The following ZBP1 variants were observed in gnomAD, a reference collection of about 807,000 sequenced individuals.
ZBP1 encodes Z-DNA-binding protein 1.
In ZBP1, 42 loss-of-function variants were observed where a neutral mutation model predicts 41.1. The ratio of observed to expected loss-of-function variants is 1.02; its 90% CI spans 0.80 to 1.32. ZBP1 has a LOEUF of 1.32. Ranked by LOEUF, ZBP1 falls within the 40% of genes most tolerant of loss-of-function variation. The pLI, the probability that ZBP1 is intolerant of heterozygous loss-of-function variation, is 0.00. For missense variants in ZBP1, 562 were observed against 549.7 expected (o/e 1.02, Z -0.22); for synonymous variants, 214 against 205.2 (o/e 1.04, Z -0.37).
At chr20:57,619,851 T>TTTTTTTG (rs2070954065) in intron 1 of ZBP1, among the ~76,000 whole-genome samples, 2 of 151,838 alleles carry the variant, frequency 1.3e-5, no homozygotes, top group South Asian at 4.2e-4. Flanking sequence ...TTTTTTTTTT[T>TTTTTTTG]TCTGAGATGG....
chr20:57,615,487 A>T (rs1600741106), intron 3 of ZBP1, 25 bp downstream of exon 3: 1 of 1,611,408 alleles, frequency 6.2e-7, no homozygotes. Flanking sequence ...TGTCCCGGGA[A>T]CTGAAGGGAC....
rs1600736255 is a variant in ZBP1, at chr20:57,613,363, C to T, written c.503-33G>A. 1 of 1,601,114 alleles carries T rather than the reference C, an allele frequency of 6.2e-7. No homozygotes were observed. Among genetic ancestry groups the T allele is most frequent in the Admixed American group, 1.7e-5 (1 of 59,912 alleles). On this transcript the variant is annotated intron_variant, in intron 4 of 7. Transcript: ENST00000371173. This position sits in a 1 kb window ranked among gnomAD's most constrained non-coding sequence, Gnocchi z 4.5. The stretch of plus-strand genomic sequence containing the variant: ...ATAATATTCAACTGTATCCCTTTGC[C>T]ACTGTCTATGGGTCAGGGGTTCCCA...
intron 1 of ZBP1, among the ~76,000 whole-genome samples, chr20:57,618,900 G>C (rs955587897): frequency 6.6e-6 from 1 of 152,158 alleles, no homozygotes; most frequent in Non-Finnish European, 1.5e-5. Flanking sequence ...ATTCTGGAAG[G>C]CTGACCTTAG....
chr20:57,610,442 G>T lies in ZBP1; in HGVS notation c.875-75C>A. 6.6e-7 allele frequency: 1 copy of T among 1,517,414 alleles called. No homozygotes were observed. Among genetic ancestry groups the T allele is most frequent in the Non-Finnish European group, 9.1e-7 (1 of 1,098,924 alleles). The allele number at this position is 1,517,414 out of a possible 1,614,324, so 94.0% of individuals were successfully genotyped here. ...GCCGGGAACCCTGACCCCCAGCCTG[G>T]TTCACCCTCCTCCCCAGATCTCCCA... On this transcript the variant is annotated intron_variant, in intron 6 of 7. Transcript: ENST00000371173. The surrounding 1 kb of genome is among the most constrained non-coding windows in gnomAD (Gnocchi z 5.5).
At chr20:57,611,160 G>T (rs1165276287) in intron 6 of ZBP1, among the ~76,000 whole-genome samples, 1 of 152,188 alleles carries the variant, frequency 6.6e-6, no homozygotes, top group Admixed American at 6.5e-5. Context: ...CCCAGCCTCT[G>T]CTTCTCTGCT....
intron 1 of ZBP1, among the ~76,000 whole-genome samples, chr20:57,618,366 G>A (rs534691332): frequency 2.6e-5 from 4 of 152,358 alleles, no homozygotes; most frequent in African/African-American, 9.6e-5. Flanking sequence ...GGTTTGCCCA[G>A]GGTTCCTTGG....
chr20:57,604,273 GA>G lies in ZBP1; in HGVS notation c.*299del, dbSNP rs1379075936. ...CTCCAGGCAGATGCCCCGAGCCCAG[GA>G]AAGAGTGGAGAGAGTCCCCTGGGCC... On this transcript the variant is annotated 3_prime_UTR_variant, in exon 8 of 8. Transcript: ENST00000371173. 1.7e-5 allele frequency: 9 copies of G among 537,592 alleles called. No homozygotes were observed. The highest frequency in any genetic ancestry group is 2.5e-5 in the Admixed American group (1 of 40,590). 33.3% of individuals were successfully genotyped at this position (537,592 alleles called of 1,614,324 possible).
In ZBP1 at chr20:57,616,477, G is replaced by A. The variant is rs1248819927; in HGVS notation, c.35-9C>T. On this transcript the variant is annotated splice_polypyrimidine_tract_variant and intron_variant, in intron 1 of 7. Coordinates refer to ENST00000371173, the MANE Select transcript of ZBP1 (RefSeq NM_030776.3). ...TCTTTGTTCAAGGTGGCCTGGGGGA[G>A]CGAGCGGGGGACAGAGAGGGGAACT... The A allele has an allele frequency of 1.4e-5, 23 of 1,612,514 alleles. No homozygotes were observed. Among genetic ancestry groups the A allele is most frequent in the Middle Eastern group, 3.8e-4 (2 of 5,236 alleles).
At chr20:57,607,255 T>C (rs1339907555) in intron 7 of ZBP1, 3 of 1,303,590 alleles carry the variant, frequency 2.3e-6, no homozygotes, top group East Asian at 1.1e-4. Context: ...GATTCCAAAT[T>C]TCATGAATGA....
Position 57,610,484 on chromosome 20 carries a change from T to C in ZBP1, c.875-117A>G. 1 of 1,053,746 alleles carries C rather than the reference T, an allele frequency of 9.5e-7. No individual in the cohort carries two copies. The allele number at this position is 1,053,746 out of a possible 1,614,324, so 65.3% of individuals were successfully genotyped here. ...GATCTCCCACCAGTGGCCCACACCA[T>C]CCCAGGAGCACAGCCTGTGCCTGCC... is the stretch of plus-strand genomic sequence containing the variant. On this transcript the variant is annotated intron_variant, in intron 6 of 7. Transcript: ENST00000371173. The surrounding 1 kb of genome is among the most constrained non-coding windows in gnomAD (Gnocchi z 5.5).
chr20:57,615,446 G>T, intron 3 of ZBP1, 66 bp downstream of exon 3: 1 of 1,545,736 alleles, frequency 6.5e-7, no homozygotes, highest in Non-Finnish European at 8.9e-7. Context: ...CCCTCAAGGA[G>T]GGCCTGGGGT....
chr20:57,604,913 G>T, intron 7 of ZBP1, 144 bp from the exon 8 acceptor site: 1 of 794,944 alleles, frequency 1.3e-6, no homozygotes, highest in Non-Finnish European at 2.0e-6. Flanking sequence ...TGAACAGGGA[G>T]CCCCACCTTT....
chr20:57,607,314 G>A, intron 7 of ZBP1: 2 of 1,283,780 alleles, frequency 1.6e-6, no homozygotes. Flanking sequence ...CAAATGTGGT[G>A]GAAATAGCAG....
chr20:57,604,419 T>C lies in ZBP1; in HGVS notation c.*154A>G. ...AAGACCTGGCCTGAACCCATCCCCATGCCAGGTCCATTCCCCCAAAACTGA... is the reference window on the plus strand; with the variant it reads ...AAGACCTGGCCTGAACCCATCCCCACGCCAGGTCCATTCCCCCAAAACTGA... On this transcript the variant is annotated 3_prime_UTR_variant, in exon 8 of 8. Coordinates refer to ENST00000371173, the MANE Select transcript of ZBP1 (RefSeq NM_030776.3). The C allele has an allele frequency of 1.1e-6, 1 of 947,528 alleles. No homozygotes were observed. 58.7% of individuals were successfully genotyped at this position (947,528 alleles called of 1,614,324 possible).
chr20:57,613,431 A>G lies in ZBP1; in HGVS notation c.503-101T>C, dbSNP rs1341350347. The stretch of plus-strand genomic sequence containing the variant: ...CAAATTCTCCTGGGGAGCTTGTTAA[A>G]ATACCCTGGGCGTTCCGAGTCAGTA... On this transcript the variant is annotated intron_variant, in intron 4 of 7. Coordinates refer to ENST00000371173, the MANE Select transcript of ZBP1 (RefSeq NM_030776.3). The surrounding 1 kb of genome is among the most constrained non-coding windows in gnomAD (Gnocchi z 4.5). 9.6e-6 allele frequency: 13 copies of G among 1,347,478 alleles called. No individual in the cohort carries two copies. The highest frequency in any genetic ancestry group is 1.3e-5 in the Non-Finnish European group (13 of 971,522). 83.5% of individuals were successfully genotyped at this position (1,347,478 alleles called of 1,614,324 possible).
chr20:57,615,253 T>C, intron 3 of ZBP1, 193 bp from the exon 4 acceptor site: 2 of 700,692 alleles, frequency 2.9e-6, no homozygotes, highest in South Asian at 1.8e-5. Flanking sequence ...GTGCACAGAG[T>C]GCTCTGCGCT....
rs1476681444 is a variant in ZBP1 at position 57,604,048 on chromosome 20, T to A, written c.*525A>T. 6 of 193,258 alleles carry A rather than the reference T, an allele frequency of 3.1e-5. No homozygotes were observed. The highest frequency in any genetic ancestry group is 4.8e-5 in the African/African-American group (2 of 41,952). The allele number at this position is 193,258 out of a possible 1,614,324, so 12.0% of individuals were successfully genotyped here. On this transcript the variant is annotated 3_prime_UTR_variant, in exon 8 of 8. Transcript: ENST00000371173. The stretch of plus-strand genomic sequence containing the variant: ...ACGCCCGGCTAATTTTTTGTATTTT[T>A]TTTTTTAGTAGAGACGGGGTTTCAC...
In ZBP1 at chr20:57,610,658, T is replaced by C; in HGVS notation, c.875-291A>G. ...GTGTCTTCCTCTGGGATTCAGCTCCTCTCTCCTCTGCTGCCTGCTTCCCAC... is the reference window on the plus strand; with the variant it reads ...GTGTCTTCCTCTGGGATTCAGCTCCCCTCTCCTCTGCTGCCTGCTTCCCAC... On this transcript the variant is annotated intron_variant, in intron 6 of 7. Transcript: ENST00000371173. The surrounding 1 kb of genome is among the most constrained non-coding windows in gnomAD (Gnocchi z 5.5). The C allele has an allele frequency of 2.0e-6, 1 of 501,000 alleles. No individual in the cohort carries two copies. The highest frequency in any genetic ancestry group is 3.6e-5 in the East Asian group (1 of 27,728). The allele number at this position is 501,000 out of a possible 1,614,324, so 31.0% of individuals were successfully genotyped here. A position where few individuals can be genotyped will look rare whatever the true frequency, so the allele number is the denominator to read the frequency against.
In ZBP1 at chr20:57,607,346, A is replaced by G. The variant is rs2070523233; in HGVS notation, c.1094-2577T>C. 5 of 1,260,146 alleles carry G rather than the reference A, an allele frequency of 4.0e-6. 1 individual carries two copies. The East Asian group carries it at 2.3e-4, about 57-fold the overall frequency. 78.1% of individuals were successfully genotyped at this position (1,260,146 alleles called of 1,614,324 possible). A position where few individuals can be genotyped will look rare whatever the true frequency, so the allele number is the denominator to read the frequency against. On this transcript the variant is annotated intron_variant, in intron 7 of 7. Coordinates refer to ENST00000371173, the MANE Select transcript of ZBP1 (RefSeq NM_030776.3). ...GCAGGAAAACACAAATTAGAAGTGGAATATGAAGATGGGACTGAATTGCTG... is the reference window on the plus strand; with the variant it reads ...GCAGGAAAACACAAATTAGAAGTGGGATATGAAGATGGGACTGAATTGCTG...
Sources: gnomAD v4.1 joint callset for allele counts (sites outside exome capture counted in the v4.1 genomes callset) on GRCh38, gnomAD v4.1.1 for gene constraint, Gnocchi (gnomAD v3.1) non-coding constraint, MANE v1.5 for transcripts, NCBI Gene and HGNC (gene_info 2026-07-23, HGNC 2026-07-21) for gene names.